KIF24: variants seen among roughly 807,000 people sequenced by gnomAD.
The protein encoded by KIF24 is kinesin-like protein KIF24.
A neutral mutation model predicts 118.9 loss-of-function variants in KIF24; 81 were observed. That is an observed-to-expected ratio of 0.68 (90% CI 0.57 to 0.82). The LOEUF is 0.82. Ranked by LOEUF, KIF24 falls within the 40% of genes least tolerant of loss-of-function variation. The pLI, the probability that KIF24 is intolerant of heterozygous loss-of-function variation, is 0.00. For synonymous variants in KIF24, 599 were observed against 610.0 expected (o/e 0.98, Z 0.27); for missense variants, 1,560 against 1,661.6 (o/e 0.94, Z 1.06).
chr9:34,318,532 G>C lies in KIF24; in HGVS notation c.-25-7161C>G. The C allele has an allele frequency of 9.9e-7, 1 of 1,007,394 alleles. No individual in the cohort carries two copies. The highest frequency in any genetic ancestry group is 1.3e-5 in the South Asian group (1 of 74,890). The allele number at this position is 1,007,394 out of a possible 1,614,324, so 62.4% of individuals were successfully genotyped here. A position where few individuals can be genotyped will look rare whatever the true frequency, so the allele number is the denominator to read the frequency against. The stretch of plus-strand genomic sequence containing the variant: ...AGCTGAGCCCCAAGGCAGCCACGCT[G>C]GCCGAACACAGCGCCGGCCTGGCCT... On this transcript the variant is annotated intron_variant, in intron 1 of 12. Coordinates refer to ENST00000402558, the MANE Select transcript of KIF24 (RefSeq NM_194313.4). This position sits in a 1 kb window ranked among gnomAD's most constrained non-coding sequence, Gnocchi z 4.9.
chr9:34,329,046 G>C (rs1328781846), intron 1 of KIF24, among the ~76,000 whole-genome samples, 60 bp downstream of exon 1: 1 of 152,244 alleles, frequency 6.6e-6, no homozygotes, highest in African/African-American at 2.4e-5. Flanking sequence ...GTGTCCGCGG[G>C]CAGGCGCCAC....
At chr9:34,317,387 TA>T (rs34841457) in intron 1 of KIF24, among the ~76,000 whole-genome samples, 30,159 of 144,662 alleles carry the variant, frequency 0.21, 3,510 homozygotes, top group Non-Finnish European at 0.28. Flanking sequence ...GAGACTGTCT[TA>T]AAAAAAAAAA....
rs138066554 is a variant in KIF24, at chr9:34,256,148, G to C, written c.3459C>G (p.Ala1153=). ...LPSREADLGE[A]CQSRETVLFS... is the part of the protein sequence containing the mutation. ...AAAGTACAGTCTCTCTGCTCTGGCA[G>C]GCCTCTCCTAGGTCTGCCTCCCTGC... The change falls in exon 11 of 13, where the codon GCC becomes GCG. Residue 1153 remains alanine (A), a synonymous_variant. Coordinates refer to ENST00000402558, the MANE Select transcript of KIF24 (RefSeq NM_194313.4). 569 of 1,607,150 alleles carry C rather than the reference G, an allele frequency of 3.5e-4. 1 individual carries two copies. The African/African-American group carries it at 6.7e-3, about 19-fold the overall frequency.
intron 6 of KIF24, chr9:34,282,545 T>C (rs1835884178): frequency 6.6e-6 from 1 of 152,194 alleles, no homozygotes; most frequent in African/African-American, 2.4e-5. Flanking sequence ...CTGGAGGTCT[T>C]GCACTACCAA....
At chr9:34,315,253 C>T (rs979529902) in intron 1 of KIF24, among the ~76,000 whole-genome samples, 1 of 151,886 alleles carries the variant, frequency 6.6e-6, no homozygotes, top group African/African-American at 2.4e-5. Flanking sequence ...TCTAATTTCA[C>T]CTCCCTTCCT....
chr9:34,260,950 C>T lies in KIF24; in HGVS notation c.1516-1245G>A, dbSNP rs368808331. On this transcript the variant is annotated intron_variant, in intron 9 of 12. Coordinates refer to ENST00000402558, the MANE Select transcript of KIF24 (RefSeq NM_194313.4). ...TCACACCACTGCACTCCGGCCTGGG[C>T]GACAGAGTGAGACTCCCTCTCAAAA... Among the ~76,000 whole-genome samples, 315 of 152,050 alleles carry T rather than the reference C, an allele frequency of 2.1e-3. 8 individuals are homozygous for T. The South Asian group carries it at 0.04, about 19-fold the overall frequency.
Position 34,318,727 on chromosome 9 carries a change from C to T in KIF24, c.-25-7356G>A, listed in dbSNP as rs184637522. 1,155 of 1,506,994 alleles carry T rather than the reference C, an allele frequency of 7.7e-4. 9 individuals carry two copies. In the African/African-American group the frequency reaches 0.014, roughly 18 times the overall value. 93.4% of individuals were successfully genotyped at this position (1,506,994 alleles called of 1,614,324 possible). On this transcript the variant is annotated intron_variant, in intron 1 of 12. Transcript: ENST00000402558. This position sits in a 1 kb window ranked among gnomAD's most constrained non-coding sequence, Gnocchi z 4.9. ...AGCAGCTGAGCGACGAGGAGGTGCACGCCGGCGTGGGCGAGCCGCTGCGTT... is the reference window on the plus strand; with the variant it reads ...AGCAGCTGAGCGACGAGGAGGTGCATGCCGGCGTGGGCGAGCCGCTGCGTT...
intron 8 of KIF24, 47 bp from the exon 9 acceptor site, chr9:34,263,219 G>C: frequency 7.0e-7 from 1 of 1,422,252 alleles, no homozygotes. Flanking sequence ...TGCAAAGGGA[G>C]AGTAACAGAC....
chr9:34,285,129 A>G (rs944498047), intron 6 of KIF24, among the ~76,000 whole-genome samples: 3 of 152,150 alleles, frequency 2.0e-5, no homozygotes, highest in Non-Finnish European at 2.9e-5. Context: ...CTTCTTACAT[A>G]TTTCTGTAAT....
intron 3 of KIF24, among the ~76,000 whole-genome samples, chr9:34,302,986 G>A (rs1348647463): frequency 6.6e-6 from 1 of 151,068 alleles, no homozygotes; most frequent in Non-Finnish European, 1.5e-5. Context: ...GTGTTAGCCA[G>A]GATGGTCTCG....
intron 6 of KIF24, among the ~76,000 whole-genome samples, chr9:34,278,491 ATAAATG>A (rs1835736076): frequency 6.6e-6 from 1 of 152,056 alleles, no homozygotes; most frequent in African/African-American, 2.4e-5. Flanking sequence ...TCTTTTTTTC[ATAAATG>A]TAAAACAATC....
At chr9:34,280,759 C>T (rs1182659683) in intron 6 of KIF24, among the ~76,000 whole-genome samples, 1 of 152,154 alleles carries the variant, frequency 6.6e-6, no homozygotes, top group Non-Finnish European at 1.5e-5. Context: ...TCTAATAACG[C>T]AAACGTGAAG....
intron 1 of KIF24, among the ~76,000 whole-genome samples, chr9:34,326,984 C>T (rs1420943726): frequency 6.6e-6 from 1 of 151,974 alleles, no homozygotes; most frequent in Non-Finnish European, 1.5e-5. Flanking sequence ...TGTTTCCTTT[C>T]ATGAGGGTTA....
chr9:34,285,849 G>C (rs1345957652), intron 6 of KIF24, among the ~76,000 whole-genome samples: 3 of 148,608 alleles, frequency 2.0e-5, no homozygotes, highest in African/African-American at 7.4e-5. Flanking sequence ...AGCTACTTGG[G>C]AGGCTGAAGT....
At position 34,255,993 on chromosome 9, in the gene KIF24, G is replaced by T. The variant is rs751187399; in HGVS notation, c.3614C>A (p.Thr1205Lys). 6.2e-7 allele frequency: 1 copy of T among 1,614,010 alleles called. No individual in the cohort carries two copies. Among genetic ancestry groups the T allele is most frequent in the Non-Finnish European group, 8.5e-7 (1 of 1,179,878 alleles). The change falls in exon 11 of 13, where the codon ACA (threonine) becomes AAA (lysine). Residue 1205 changes from threonine to lysine, a missense_variant. Thr to Lys is a moderately conservative substitution (Grantham distance 78). Transcript: ENST00000402558. ...IHMGVPHSGP[T>K]LTPRTGSSDV... ...ACTACTTCCTGTTCGTGGGGTGAGTGTAGGTCCAGAATGGGGTACCCCCAT... is the reference window on the plus strand; with the variant it reads ...ACTACTTCCTGTTCGTGGGGTGAGTTTAGGTCCAGAATGGGGTACCCCCAT...
intron 1 of KIF24, among the ~76,000 whole-genome samples, chr9:34,313,531 C>G (rs933097963): frequency 1.3e-5 from 2 of 151,562 alleles, no homozygotes; most frequent in African/African-American, 4.8e-5. Context: ...TCTTTGGACT[C>G]AAACTTGTAG....
intron 4 of KIF24, among the ~76,000 whole-genome samples, chr9:34,292,750 C>A (rs1188336083): frequency 6.6e-6 from 1 of 152,162 alleles, no homozygotes; most frequent in African/African-American, 2.4e-5. Context: ...TGGCTCCCAG[C>A]AGTGTGGGTA....
intron 2 of KIF24, among the ~76,000 whole-genome samples, chr9:34,307,578 A>T (rs1226079156): frequency 1.3e-5 from 2 of 152,194 alleles, no homozygotes; most frequent in Non-Finnish European, 2.9e-5. Context: ...AATGAAATGT[A>T]CCATTTTGAG....
intron 6 of KIF24, among the ~76,000 whole-genome samples, chr9:34,282,143 C>A (rs572371900): frequency 6.4e-4 from 98 of 152,230 alleles, no homozygotes; most frequent in African/African-American, 2.3e-3. Flanking sequence ...AAATGTCTAT[C>A]AACTGATGAA....
Sources: allele counts gnomAD v4.1 joint callset (sites outside exome capture counted in the v4.1 genomes callset), GRCh38; gene constraint gnomAD v4.1.1; non-coding constraint Gnocchi (gnomAD v3.1); transcripts MANE v1.5; gene names NCBI Gene and HGNC (gene_info 2026-07-23, HGNC 2026-07-21).